Variants in AHNAK2 observed in about 807,000 individuals in gnomAD.
AHNAK2 encodes the protein AHNAK nucleoprotein 2.
AHNAK2 carries 18 observed loss-of-function variants against 30.7 expected under a neutral mutation model. That is an observed-to-expected ratio of 0.59 (90% CI 0.41 to 0.87). The LOEUF (loss-of-function observed/expected upper bound fraction) is 0.87. AHNAK2 is among the 40% of genes least tolerant of loss of function. AHNAK2 has a pLI of 0.00. For missense variants in AHNAK2, 8,604 were observed against 7,373.0 expected, an observed-to-expected ratio of 1.17 and a Z score of -6.11; for synonymous variants, 3,590 against 3,073.8, an observed-to-expected ratio of 1.17 and a Z score of -5.56.
rs201142029 is a variant in AHNAK2 at position 104,945,428 on chromosome 14, G to A, written c.10023C>T (p.Asp3341=). 77 of 1,612,472 alleles carry A rather than the reference G, an allele frequency of 4.8e-5. 1 individual carries two copies. In the East Asian group the frequency reaches 6.9e-4, roughly 15 times the overall value. ...VDVSAPKAEA[D]VSLPSMQGDL... ...CCCCCTGCATGGAGGGGAGGCTCAC[G>A]TCGGCCTCCGCCTTCGGCGCAGACA... The change falls in exon 7 of 7, where the codon GAC becomes GAT. Residue 3341 remains aspartate, a synonymous_variant. Transcript: ENST00000333244.
At position 104,948,170 on chromosome 14, in the gene AHNAK2, C is replaced by G. The variant is rs780439258; in HGVS notation, c.7281G>C (p.Lys2427Asn). The G allele has an allele frequency of 6.2e-6, 10 of 1,612,558 alleles. No individual in the cohort carries two copies. Among genetic ancestry groups the G allele is most frequent in the South Asian group, 1.1e-5 (1 of 91,044 alleles). Reference sequence around the variant, plus strand: ...CCGTCTTGGGGCCTTTCAGGTCCAGCTTGGGGCCCTTGACATCTATCTGGG... The same window carrying G: ...CCGTCTTGGGGCCTTTCAGGTCCAGGTTGGGGCCCTTGACATCTATCTGGG... Reference protein sequence around the residue: ...KGPQIDVKGPKLDLKGPKTDV... With the variant: ...KGPQIDVKGPNLDLKGPKTDV... The change falls in exon 7 of 7, where the codon AAG (lysine) becomes AAC (asparagine). Residue 2427 changes from lysine (K) to asparagine (N), a missense_variant. Physicochemically the swap from Lys to Asn is moderately conservative, Grantham distance 94. Coordinates refer to ENST00000333244, the MANE Select transcript of AHNAK2 (RefSeq NM_138420.4).
Position 104,943,966 on chromosome 14 carries a change from A to G in AHNAK2, c.11485T>C (p.Ser3829Pro). The change falls in exon 7 of 7, where the codon TCT becomes CCT. Residue 3829 changes from serine to proline, a missense_variant. Ser to Pro is a moderately conservative substitution (Grantham distance 74). Coordinates refer to ENST00000333244, the MANE Select transcript of AHNAK2 (RefSeq NM_138420.4). ...GKSIEASVHV[S>P]APKVEADVSL... ...ACATCGGCCTCCACCTTGGGTGCAG[A>G]CACGTGCACCGAGGCCTCAATGGAC... 6.2e-7 allele frequency: 1 copy of G among 1,611,646 alleles called. No homozygotes were observed. Among genetic ancestry groups the G allele is most frequent in the South Asian group, 1.1e-5 (1 of 90,980 alleles).
rs773270822 is a variant in AHNAK2, at chr14:104,938,125, C to T, written c.17326G>A (p.Glu5776Lys). Reference protein sequence around the residue: ...SAARTELILPEQDRKADDESK... With the variant: ...SAARTELILPKQDRKADDESK... ...TCATCGTCAGCTTTTCTGTCCTGCTCGGGCAGGATTAACTCTGTTCTTGCC... is the reference window on the plus strand; with the variant it reads ...TCATCGTCAGCTTTTCTGTCCTGCTTGGGCAGGATTAACTCTGTTCTTGCC... The change falls in exon 7 of 7, where the codon GAG (glutamate) becomes AAG (lysine). Residue 5776 changes from glutamate (E) to lysine (K), a missense_variant. Coordinates refer to ENST00000333244, the MANE Select transcript of AHNAK2 (RefSeq NM_138420.4). 1.5e-5 allele frequency: 25 copies of T among 1,613,980 alleles called. No individual in the cohort carries two copies. Among genetic ancestry groups the T allele is most frequent in the African/African-American group, 4.0e-5 (3 of 75,038 alleles).
Position 104,943,830 on chromosome 14 carries a change from C to G in AHNAK2, c.11621G>C (p.Gly3874Ala). 6.2e-7 allele frequency: 1 copy of G among 1,613,052 alleles called. No individual in the cohort carries two copies. The highest frequency in any genetic ancestry group is 8.5e-7 in the Non-Finnish European group (1 of 1,179,578). The change falls in exon 7 of 7, where the codon GGC becomes GCC. Residue 3874 changes from glycine (G) to alanine (A), a missense_variant. By Grantham distance (60) the Gly-to-Ala change is moderately conservative. Coordinates refer to ENST00000333244, the MANE Select transcript of AHNAK2 (RefSeq NM_138420.4). The part of the protein sequence containing the change: ...ARQVDMKLLE[G>A]HVPEEAGLKG... ...GAGGCCGGCTTCCTCGGGCACGTGG[C>G]CCTCCAGGAGTTTCATGTCCACCTG...
chr14:104,960,179 A>G (rs1873040559), intron 1 of AHNAK2, among the ~76,000 whole-genome samples: 2 of 152,240 alleles, frequency 1.3e-5, no homozygotes, highest in Non-Finnish European at 2.9e-5. Flanking sequence ...ATTATAACAT[A>G]TATAGATACA....
In AHNAK2 at chr14:104,950,398, C is replaced by T. The variant is rs776814968; in HGVS notation, c.5053G>A (p.Glu1685Lys). ...CTCACATCAGCTTCCACCTTCGGCT[C>T]AGACACATCCACCGAGGCCTCGATG... ...KSIEASVDVS[E>K]PKVEADVSLP... Residue 1685 changes from glutamate (E) to lysine (K), a missense_variant, in exon 7 of 7, where the codon GAG becomes AAG. Coordinates refer to ENST00000333244, the MANE Select transcript of AHNAK2 (RefSeq NM_138420.4). 6.3e-7 allele frequency: 1 copy of T among 1,586,952 alleles called. No individual in the cohort carries two copies. The highest frequency in any genetic ancestry group is 8.6e-7 in the Non-Finnish European group (1 of 1,162,972).
At chr14:104,978,151 G>A in intron 1 of AHNAK2, 32 bp downstream of exon 1, 1 of 1,208,200 alleles carries the variant, frequency 8.3e-7, no homozygotes, top group Non-Finnish European at 1.0e-6. Context: ...ACCCGCCCCA[G>A]GGGAGCGGGC....
rs756284833 is a variant in AHNAK2 at position 104,943,819 on chromosome 14, C to T, written c.11632G>A (p.Glu3878Lys). ...DMKLLEGHVPEEAGLKGHLPK... is the reference protein window; with the variant it reads ...DMKLLEGHVPKEAGLKGHLPK... ...AGGTGTCCTTTGAGGCCGGCTTCCT[C>T]GGGCACGTGGCCCTCCAGGAGTTTC... The change falls in exon 7 of 7, where the codon GAG becomes AAG. Residue 3878 changes from glutamate to lysine, a missense_variant. By Grantham distance (56) the Glu-to-Lys change is moderately conservative. Coordinates refer to ENST00000333244, the MANE Select transcript of AHNAK2 (RefSeq NM_138420.4). The T allele has an allele frequency of 1.5e-5, 24 of 1,612,994 alleles. No individual in the cohort carries two copies. The highest frequency in any genetic ancestry group is 1.6e-4 in the Middle Eastern group (1 of 6,074).
At position 104,944,821 on chromosome 14, in the gene AHNAK2, C is replaced by G. The variant is rs1471373322; in HGVS notation, c.10630G>C (p.Gly3544Arg). Reference protein sequence around the residue: ...AVQVDVELLEGPVPEGAGLKG... With the variant: ...AVQVDVELLERPVPEGAGLKG... ...AGGCCGGCTCCCTCGGGCACGGGGC[C>G]CTCCAGGAGTTCCACATCCACTTGG... Residue 3544 changes from glycine (G) to arginine (R), a missense_variant, in exon 7 of 7, where the codon GGC becomes CGC. Transcript: ENST00000333244. The G allele has an allele frequency of 6.2e-7, 1 of 1,612,456 alleles. No homozygotes were observed. Among genetic ancestry groups the G allele is most frequent in the Non-Finnish European group, 8.5e-7 (1 of 1,179,508 alleles).
rs567581915 is a variant in AHNAK2 at position 104,947,436 on chromosome 14, T to A, written c.8015A>T (p.Asp2672Val). Reference sequence around the variant, plus strand: ...GGCTTCCACCTTCAGCTCAGACACATCCACCAACGCCTCGATGGACTCGCC... The same window carrying A: ...GGCTTCCACCTTCAGCTCAGACACAACCACCAACGCCTCGATGGACTCGCC... ...APGESIEALV[D>V]VSELKVEADM... Residue 2672 changes from aspartate to valine, a missense_variant, in exon 7 of 7, where the codon GAT becomes GTT. Transcript: ENST00000333244. The A allele has an allele frequency of 3.1e-6, 5 of 1,611,932 alleles. No individual in the cohort carries two copies.
Position 104,952,814 on chromosome 14 carries a change from A to T in AHNAK2, c.2637T>A (p.Thr879=). The T allele has an allele frequency of 6.2e-7, 1 of 1,612,174 alleles. No individual in the cohort carries two copies. The change falls in exon 7 of 7, where the codon ACT becomes ACA. Residue 879 remains threonine, a synonymous_variant. Coordinates refer to ENST00000333244, the MANE Select transcript of AHNAK2 (RefSeq NM_138420.4). The part of the protein sequence containing the change: ...LSSMQGDLKA[T]DLSIQPPSAD... ...CGGAAGGGGGCTGAATGCTGAGGTC[A>T]GTGGCCTTGAGGTCCCCCTGCATGG... is the stretch of plus-strand genomic sequence containing the variant.
Position 104,954,388 on chromosome 14 carries a change from C to T in AHNAK2, c.1063G>A (p.Val355Ile). 1.9e-6 allele frequency: 3 copies of T among 1,613,234 alleles called. No homozygotes were observed. Among genetic ancestry groups the T allele is most frequent in the Non-Finnish European group, 2.5e-6 (3 of 1,179,838 alleles). Residue 355 changes from valine (V) to isoleucine (I), a missense_variant, in exon 7 of 7, where the codon GTC becomes ATC. Coordinates refer to ENST00000333244, the MANE Select transcript of AHNAK2 (RefSeq NM_138420.4). The surrounding 1 kb of genome is among the most constrained non-coding windows in gnomAD (Gnocchi z 4.3). ...GFQSGVGRAG[V>I]LEELGPWGDS... ...CCCCAGGGCCCCAACTCTTCCAGGACCCCAGCACGGCCCACCCCACTCTGG... is the reference window on the plus strand; with the variant it reads ...CCCCAGGGCCCCAACTCTTCCAGGATCCCAGCACGGCCCACCCCACTCTGG...
Position 104,944,224 on chromosome 14 carries a change from T to G in AHNAK2, c.11227A>C (p.Ile3743Leu), listed in dbSNP as rs1177035007. Residue 3743 changes from isoleucine (I) to leucine (L), a missense_variant, in exon 7 of 7, where the codon ATC becomes CTC. Ile to Leu is a conservative substitution (Grantham distance 5). Coordinates refer to ENST00000333244, the MANE Select transcript of AHNAK2 (RefSeq NM_138420.4). ...KVDLKGPQVD[I>L]KGPKLDLKVS... ...TTTAGGTCCAGCTTGGGGCCCTTGA[T>G]GTCCACCTGGGGGCCCTTGAGGTCC... is the stretch of plus-strand genomic sequence containing the variant. 3 of 1,610,836 alleles carry G rather than the reference T, an allele frequency of 1.9e-6. No homozygotes were observed. Among genetic ancestry groups the G allele is most frequent in the Admixed American group, 1.7e-5 (1 of 59,766 alleles).
In AHNAK2 at chr14:104,949,260, C is replaced by G. The variant is rs531315014; in HGVS notation, c.6191G>C (p.Gly2064Ala). ...GGGCAGGTGCCCTTTGAGGCCAGCT[C>G]CCTCGGGCACGTGGCCCTCCGGGAG... ...VKLPEGHVPE[G>A]AGLKGHLPKV... The change falls in exon 7 of 7, where the codon GGA becomes GCA. Residue 2064 changes from glycine to alanine, a missense_variant. Transcript: ENST00000333244. 1.5e-5 allele frequency: 16 copies of G among 1,065,702 alleles called. 1 individual carries two copies. In the East Asian group the frequency reaches 3.6e-4, roughly 24 times the overall value. 66.0% of individuals were successfully genotyped at this position (1,065,702 alleles called of 1,614,324 possible).
At chr14:104,956,916 C>G (rs1385044372) in intron 3 of AHNAK2, among the ~76,000 whole-genome samples, 1 of 152,150 alleles carries the variant, frequency 6.6e-6, no homozygotes, top group Non-Finnish European at 1.5e-5. Flanking sequence ...CCCACAGCAC[C>G]CACCCTACAG....
At position 104,939,637 on chromosome 14, in the gene AHNAK2, C is replaced by T; in HGVS notation, c.15814G>A (p.Asp5272Asn). Residue 5272 changes from aspartate to asparagine, a missense_variant, in exon 7 of 7, where the codon GAT becomes AAT. Asp to Asn is a conservative substitution (Grantham distance 23). Transcript: ENST00000333244. ...SKSSTDILRC[D>N]LDSTGLKLHL... The stretch of plus-strand genomic sequence containing the variant: ...AGCTTCAAGCCTGTGCTGTCAAGAT[C>T]ACACCTTAGAATATCTGTGGATGAT... The T allele has an allele frequency of 6.2e-7, 1 of 1,613,902 alleles. No individual in the cohort carries two copies. The highest frequency in any genetic ancestry group is 8.5e-7 in the Non-Finnish European group (1 of 1,179,886).
chr14:104,957,719 AGATCGGGGCCCGGGGGAGGGAGCC>A, intron 1 of AHNAK2, 47 bp from the exon 2 acceptor site: 1 of 1,579,376 alleles, frequency 6.3e-7, no homozygotes, highest in Non-Finnish European at 8.6e-7. Context: ...CTGGGGGAGC[AGATCGGGGCCCGGGGGAGGGAGCC>A]AGGACTGTAT....
In AHNAK2 at chr14:104,953,775, C is replaced by G. The variant is rs769727984; in HGVS notation, c.1676G>C (p.Gly559Ala). ...AQGDEGDGEE[G>A]LQRTRITEEQ... Reference sequence around the variant, plus strand: ...CTCAGTGATCCTTGTCCTCTGTAGTCCTTCCTCTCCATCTCCTTCATCCCC... The same window carrying G: ...CTCAGTGATCCTTGTCCTCTGTAGTGCTTCCTCTCCATCTCCTTCATCCCC... The change falls in exon 7 of 7, where the codon GGA becomes GCA. Residue 559 changes from glycine (G) to alanine (A), a missense_variant. Physicochemically the swap from Gly to Ala is moderately conservative, Grantham distance 60. Coordinates refer to ENST00000333244, the MANE Select transcript of AHNAK2 (RefSeq NM_138420.4). The G allele has an allele frequency of 6.2e-7, 1 of 1,613,910 alleles. No individual in the cohort carries two copies. The highest frequency in any genetic ancestry group is 1.3e-5 in the African/African-American group (1 of 74,988).
chr14:104,947,774 T>A lies in AHNAK2; in HGVS notation c.7677A>T (p.Gly2559=). The A allele has an allele frequency of 6.2e-7, 1 of 1,612,186 alleles. No individual in the cohort carries two copies. The highest frequency in any genetic ancestry group is 1.1e-5 in the South Asian group (1 of 91,022). The change falls in exon 7 of 7, where the codon GGA becomes GGT. Residue 2559 remains glycine, a synonymous_variant. Transcript: ENST00000333244. ...VKLPEGPVPE[G]AGLKGHLPKV... ...TGGGCAGGTGCCCTTTGAGGCCGGCTCCCTCCGGCACAGGGCCCTCTGGGA... is the reference window on the plus strand; with the variant it reads ...TGGGCAGGTGCCCTTTGAGGCCGGCACCCTCCGGCACAGGGCCCTCTGGGA...
Sources: gnomAD v4.1 joint callset for allele counts (sites outside exome capture counted in the v4.1 genomes callset) on GRCh38, gnomAD v4.1.1 for gene constraint, Gnocchi (gnomAD v3.1) non-coding constraint, MANE v1.5 for transcripts, NCBI Gene and HGNC (gene_info 2026-07-23, HGNC 2026-07-21) for gene names.